CSMD1: variants seen among roughly 807,000 people sequenced by gnomAD.
CSMD1 encodes CUB and sushi domain-containing protein 1.
Under a neutral mutation model 417.5 loss-of-function variants are expected in CSMD1, and 213 were observed. The observed-to-expected ratio is 0.51, with a 90% CI of 0.46 to 0.57. The LOEUF (loss-of-function observed/expected upper bound fraction) is 0.57. Among genes scored for constraint, CSMD1 ranks in the 20% least tolerant of loss-of-function variants. The pLI is 0.00. For missense variants in CSMD1, 6,923 were observed against 4,529.7 expected, an observed-to-expected ratio of 1.53 and a Z score of -15.17; for synonymous variants, 2,862 against 1,736.8, an observed-to-expected ratio of 1.65 and a Z score of -16.11.
intron 1 of CSMD1, among the ~76,000 whole-genome samples, chr8:4,926,043 A>C (rs1806847668): frequency 6.6e-6 from 1 of 152,232 alleles, no homozygotes; most frequent in Non-Finnish European, 1.5e-5. Context: ...AACCAACCTA[A>C]ATAAACAAAC....
chr8:3,269,189 C>T (rs531248595), intron 26 of CSMD1, among the ~76,000 whole-genome samples: 9 of 152,218 alleles, frequency 5.9e-5, no homozygotes, highest in South Asian at 2.1e-4. Context: ...CAGGTGTCCA[C>T]GGGACGGAAA....
intron 1 of CSMD1, chr8:4,787,364 A>G: frequency 1.4e-6 from 1 of 731,698 alleles, no homozygotes; most frequent in Non-Finnish European, 2.5e-6. Flanking sequence ...ACACTGGTAA[A>G]AAATTGTATG....
In CSMD1 at chr8:3,834,857, C is replaced by A. The variant is rs574047694; in HGVS notation, c.819-80815G>T. 8.9e-4 allele frequency among the ~76,000 whole-genome samples: 135 copies of A among 151,462 alleles called. 1 individual carries two copies. The highest frequency in any genetic ancestry group is 4.1e-3 in the East Asian group (21 of 5,118). On this transcript the variant is annotated intron_variant, in intron 5 of 69. Coordinates refer to ENST00000635120, the MANE Select transcript of CSMD1 (RefSeq NM_033225.6). ...AATATCCAGAATCTACAATGAACTC[C>A]AACAAATTTACAAGAAAAAAACAAA...
Position 3,998,055 on chromosome 8 carries a change from C to T in CSMD1, c.666G>A (p.Pro222=). The T allele has an allele frequency of 1.3e-6, 2 of 1,597,294 alleles. No homozygotes were observed. The highest frequency in any genetic ancestry group is 1.7e-6 in the Non-Finnish European group (2 of 1,171,330). Residue 222 remains proline, a synonymous_variant, in exon 5 of 70, where the codon CCG becomes CCA. Coordinates refer to ENST00000635120, the MANE Select transcript of CSMD1 (RefSeq NM_033225.6). ...TGTTCTCGTACTCTGAAGGGAAGTG[C>T]GGGCTGGAGATGGAGCTGCTGGTCC... ...LRGTSSSISS[P]HFPSEYENNA... is the part of the protein sequence containing the mutation.
At chr8:3,433,613 C>A (rs997300977) in intron 12 of CSMD1, among the ~76,000 whole-genome samples, 1 of 152,146 alleles carries the variant, frequency 6.6e-6, no homozygotes, top group Non-Finnish European at 1.5e-5. Flanking sequence ...ACGAGGGCAT[C>A]TTCTTTATGT....
At chr8:4,732,310 C>A (rs191007114) in intron 1 of CSMD1, among the ~76,000 whole-genome samples, 1 of 151,170 alleles carries the variant, frequency 6.6e-6, no homozygotes, top group Non-Finnish European at 1.5e-5. Context: ...TAAATTAAGA[C>A]ACCTGAAGAG....
At chr8:3,409,292 A>C (rs1483705561) in intron 13 of CSMD1, 131 bp downstream of exon 13, 1 of 738,048 alleles carries the variant, frequency 1.4e-6, no homozygotes, top group Admixed American at 3.5e-5. Context: ...GCACGTTTCC[A>C]GTAAATGTGG....
chr8:4,316,803 C>G (rs1274760971), intron 3 of CSMD1, among the ~76,000 whole-genome samples: 1 of 152,078 alleles, frequency 6.6e-6, no homozygotes, highest in Non-Finnish European at 1.5e-5. Flanking sequence ...TATTGTGCTT[C>G]CCTCAAAGTC....
intron 4 of CSMD1, among the ~76,000 whole-genome samples, chr8:4,014,762 T>A (rs1796442272): frequency 6.6e-6 from 1 of 152,182 alleles, no homozygotes; most frequent in Non-Finnish European, 1.5e-5. Flanking sequence ...AGAAGGGCAT[T>A]TACCTGGGCA....
chr8:4,839,635 C>G (rs976463337), intron 1 of CSMD1, among the ~76,000 whole-genome samples: 2 of 152,076 alleles, frequency 1.3e-5, no homozygotes, highest in East Asian at 3.9e-4. Context: ...AGAACTTGTT[C>G]CTCACACATG....
chr8:4,951,228 A>T (rs1302197453), intron 1 of CSMD1, among the ~76,000 whole-genome samples: 1 of 152,084 alleles, frequency 6.6e-6, no homozygotes, highest in Non-Finnish European at 1.5e-5. Context: ...TTAATCCACA[A>T]AGAAACTGTC....
intron 3 of CSMD1, among the ~76,000 whole-genome samples, chr8:4,320,788 G>C (rs929058639): frequency 1.3e-5 from 2 of 152,036 alleles, no homozygotes; most frequent in African/African-American, 4.8e-5. Context: ...GATTCCTCAA[G>C]GATCTAGAAC....
chr8:4,522,491 T>C (rs1803516524), intron 2 of CSMD1, among the ~76,000 whole-genome samples: 2 of 152,302 alleles, frequency 1.3e-5, no homozygotes, highest in Middle Eastern at 3.4e-3. Flanking sequence ...AGACACAAAA[T>C]GGATTAATTA....
In CSMD1 at chr8:3,690,324, G is replaced by A. The variant is rs111405437; in HGVS notation, c.1009+18090C>T. ...TGACCGAAGATCGCACCACTGCACTGCAGCCTGGGTGACAGAACGAGACTC... is the reference window on the plus strand; with the variant it reads ...TGACCGAAGATCGCACCACTGCACTACAGCCTGGGTGACAGAACGAGACTC... On this transcript the variant is annotated intron_variant, in intron 7 of 69. Coordinates refer to ENST00000635120, the MANE Select transcript of CSMD1 (RefSeq NM_033225.6). Among the ~76,000 whole-genome samples, 284 of 152,306 alleles carry A rather than the reference G, an allele frequency of 1.9e-3. 3 individuals carry two copies. Among genetic ancestry groups the A allele is most frequent in the African/African-American group, 6.6e-3 (275 of 41,558 alleles).
At chr8:3,596,374 G>C (rs944136154) in intron 8 of CSMD1, among the ~76,000 whole-genome samples, 5 of 152,154 alleles carry the variant, frequency 3.3e-5, no homozygotes, top group African/African-American at 1.2e-4. Context: ...TAACCACTCA[G>C]GTCAGGGCAG....
chr8:3,604,569 T>C (rs1046798363), intron 8 of CSMD1, among the ~76,000 whole-genome samples: 2 of 151,976 alleles, frequency 1.3e-5, no homozygotes, highest in Admixed American at 1.3e-4. Context: ...TCTAACTTTA[T>C]AAGTATATGA....
intron 7 of CSMD1, among the ~76,000 whole-genome samples, chr8:3,623,906 G>T (rs1020778119): frequency 6.6e-6 from 1 of 152,060 alleles, no homozygotes; most frequent in African/African-American, 2.4e-5. Context: ...GAACCCGGGA[G>T]GCGGAGTTTG....
intron 2 of CSMD1, among the ~76,000 whole-genome samples, chr8:4,561,598 C>G (rs1025666164): frequency 2.5e-4 from 38 of 152,118 alleles, no homozygotes; most frequent in African/African-American, 9.2e-4. Flanking sequence ...GGGAGGATCC[C>G]TTGAGCCCAG....
At chr8:4,921,143 A>T (rs902850537) in intron 1 of CSMD1, among the ~76,000 whole-genome samples, 12 of 151,972 alleles carry the variant, frequency 7.9e-5, no homozygotes, top group African/African-American at 2.7e-4. Flanking sequence ...AAAGAAAGAA[A>T]GAAATTATGA....
Sources: allele counts gnomAD v4.1 joint callset (sites outside exome capture counted in the v4.1 genomes callset), GRCh38; gene constraint gnomAD v4.1.1; transcripts MANE v1.5; gene names NCBI Gene and HGNC (gene_info 2026-07-23, HGNC 2026-07-21).